SLC2A9: variants seen among roughly 807,000 people sequenced by gnomAD.
SLC2A9 encodes solute carrier family 2 member 9, also known as solute carrier family 2, facilitated glucose transporter member 9.
Under a neutral mutation model 50.6 loss-of-function variants are expected in SLC2A9, and 39 were observed. The ratio of observed to expected loss-of-function variants is 0.77; its 90% CI spans 0.60 to 1.01. SLC2A9 has a LOEUF of 1.01. SLC2A9 is among the 50% of genes least tolerant of loss of function. The probability of loss-of-function intolerance (pLI) is 0.00; values close to 1 mark genes in which losing one functional copy is unlikely to be tolerated. For synonymous variants in SLC2A9, 324 were observed against 276.9 expected (o/e 1.17, Z -1.69); for missense variants, 686 against 677.6 (o/e 1.01, Z -0.14).
At chr4:9,969,120 T>C (rs1753496627) in intron 5 of SLC2A9, among the ~76,000 whole-genome samples, 1 of 152,182 alleles carries the variant, frequency 6.6e-6, no homozygotes, top group East Asian at 1.9e-4. Flanking sequence ...AGGACTTCTC[T>C]CTCATCTTGT....
At chr4:9,952,447 G>A (rs1750470882) in intron 5 of SLC2A9, among the ~76,000 whole-genome samples, 1 of 152,094 alleles carries the variant, frequency 6.6e-6, no homozygotes, top group Non-Finnish European at 1.5e-5. Context: ...AGCTGAGCAG[G>A]TGCCAGTGCC....
At chr4:9,966,869 A>G (rs1753131389) in intron 5 of SLC2A9, among the ~76,000 whole-genome samples, 1 of 152,116 alleles carries the variant, frequency 6.6e-6, no homozygotes, top group Non-Finnish European at 1.5e-5. Context: ...TTCCTTTTGC[A>G]CACATTAAAA....
intron 6 of SLC2A9, among the ~76,000 whole-genome samples, chr4:9,936,117 C>T (rs71603975): frequency 0.066 from 9,979 of 152,144 alleles, 836 homozygotes; most frequent in East Asian, 0.46. Flanking sequence ...AATGTTTGTG[C>T]CCCCCAGAAG....
At chr4:9,853,446 T>C (rs1332865376) in intron 10 of SLC2A9, among the ~76,000 whole-genome samples, 3 of 152,212 alleles carry the variant, frequency 2.0e-5, no homozygotes, top group Admixed American at 2.0e-4. Context: ...TCAACAAGAA[T>C]GCCTAACTAT....
At chr4:9,821,259 T>C (rs898561844), downstream of SLC2A9, among the ~76,000 whole-genome samples, 1 of 152,220 alleles carries the variant, frequency 6.6e-6, no homozygotes, top group African/African-American at 2.4e-5. Context: ...GAAACAGTTT[T>C]GCATTTCTCT....
At chr4:9,866,650 C>A (rs112051736) in intron 10 of SLC2A9, among the ~76,000 whole-genome samples, 1 of 152,076 alleles carries the variant, frequency 6.6e-6, no homozygotes, top group Non-Finnish European at 1.5e-5. Flanking sequence ...TCCATGGATA[C>A]GGGGACGATG....
chr4:10,006,524 C>T (rs929595141), intron 2 of SLC2A9: 4 of 152,212 alleles, frequency 2.6e-5, no homozygotes, highest in Admixed American at 2.0e-4. Context: ...TAAAAAAGTA[C>T]CCATTGTTGA....
chr4:9,956,411 T>C (rs1234167132), intron 5 of SLC2A9, among the ~76,000 whole-genome samples: 1 of 151,546 alleles, frequency 6.6e-6, no homozygotes, highest in African/African-American at 2.4e-5. Flanking sequence ...ATCTGGGAGG[T>C]AGAGCTTGCA....
chr4:9,813,527 T>G (rs923236233), intron 3 of SLC2A9, among the ~76,000 whole-genome samples: 3 of 152,204 alleles, frequency 2.0e-5, no homozygotes, highest in Non-Finnish European at 4.4e-5. Context: ...CTTTATATAT[T>G]TATGATGGTA....
intron 10 of SLC2A9, among the ~76,000 whole-genome samples, chr4:9,860,182 C>T (rs957148805): frequency 6.6e-6 from 1 of 152,168 alleles, no homozygotes; most frequent in Non-Finnish European, 1.5e-5. Context: ...CCTCCTTCTC[C>T]TCCCTCCCTG....
intron 3 of SLC2A9, chr4:9,781,850 G>C: frequency 2.0e-6 from 1 of 494,474 alleles, no homozygotes. Flanking sequence ...AGGCGCTTCA[G>C]GAGGCAAGAG....
intron 10 of SLC2A9, among the ~76,000 whole-genome samples, chr4:9,850,750 G>A (rs1347298760): frequency 6.6e-6 from 1 of 152,118 alleles, no homozygotes; most frequent in Non-Finnish European, 1.5e-5. Flanking sequence ...GGTGCACTGT[G>A]AGTGGACCTT....
intron 10 of SLC2A9, among the ~76,000 whole-genome samples, chr4:9,874,148 G>C (rs1433319185): frequency 6.6e-6 from 1 of 152,016 alleles, no homozygotes; most frequent in Non-Finnish European, 1.5e-5. Flanking sequence ...GCTTCCATTA[G>C]CATCCTCTCT....
chr4:9,835,485 A>C (rs1726896110), intron 10 of SLC2A9, among the ~76,000 whole-genome samples: 1 of 152,206 alleles, frequency 6.6e-6, no homozygotes, highest in African/African-American at 2.4e-5. Flanking sequence ...TTCTCAGACA[A>C]GACAGAGTGG....
intron 8 of SLC2A9, among the ~76,000 whole-genome samples, chr4:9,898,109 G>A (rs1490442029): frequency 1.3e-5 from 2 of 152,176 alleles, no homozygotes; most frequent in African/African-American, 4.8e-5. Context: ...CTGGCCTTGA[G>A]AACTGTGATA....
upstream of SLC2A9, among the ~76,000 whole-genome samples, chr4:10,024,214 G>A (rs146067558): frequency 3.3e-5 from 5 of 151,494 alleles, no homozygotes; most frequent in Admixed American, 1.3e-4. Flanking sequence ...TGCTGCTCAC[G>A]TGTGCCTTCC....
At chr4:9,948,172 T>G (rs1749546736) in intron 5 of SLC2A9, among the ~76,000 whole-genome samples, 1 of 152,118 alleles carries the variant, frequency 6.6e-6, no homozygotes, top group Admixed American at 6.5e-5. Context: ...CTCCTCCAGC[T>G]TCTCGGGATA....
intron 6 of SLC2A9, among the ~76,000 whole-genome samples, chr4:9,920,914 C>A (rs1743822192): frequency 6.6e-6 from 1 of 152,234 alleles, no homozygotes; most frequent in Non-Finnish European, 1.5e-5. Context: ...CTTTTGTTAT[C>A]ATTCCTGCCT....
At chr4:9,782,487 C>T in intron 3 of SLC2A9, 3 of 1,613,990 alleles carry the variant, frequency 1.9e-6, no homozygotes, top group Non-Finnish European at 2.5e-6. Flanking sequence ...CGCAAGATGA[C>T]TCAGCGCATG....
Sources: allele counts gnomAD v4.1 joint callset (sites outside exome capture counted in the v4.1 genomes callset), GRCh38; gene constraint gnomAD v4.1.1; transcripts MANE v1.5; gene names NCBI Gene and HGNC (gene_info 2026-07-23, HGNC 2026-07-21).